Variants in PRDM5 observed in about 807,000 individuals in gnomAD.
PRDM5 encodes PR/SET domain 5, also known as PR domain zinc finger protein 5.
PRDM5 carries 56 observed loss-of-function variants against 81.2 expected under a neutral mutation model. The ratio of observed to expected loss-of-function variants is 0.69; its 90% CI spans 0.56 to 0.86. The LOEUF (loss-of-function observed/expected upper bound fraction) is 0.86, where lower values mean the gene tolerates loss of function less well. Ranked by LOEUF, PRDM5 falls within the 40% of genes least tolerant of loss-of-function variation. The pLI is 0.00. For missense variants in PRDM5, 697 were observed against 770.1 expected (o/e 0.91, Z 1.12); for synonymous variants, 267 against 256.4 (o/e 1.04, Z -0.39).
At chr4:120,813,584 G>A (rs1404219312) in intron 7 of PRDM5, among the ~76,000 whole-genome samples, 2 of 152,064 alleles carry the variant, frequency 1.3e-5, no homozygotes, top group African/African-American at 4.8e-5. Flanking sequence ...TTTTTAGCAG[G>A]CTAAATATGA....
chr4:120,820,723 G>A (rs171068), intron 4 of PRDM5, among the ~76,000 whole-genome samples: 8,094 of 152,266 alleles, frequency 0.053, 345 homozygotes, highest in Middle Eastern at 0.15. Context: ...AATCCCCTTC[G>A]GATCCAGCAG....
intron 2 of PRDM5, among the ~76,000 whole-genome samples, chr4:120,856,586 C>T (rs371869877): frequency 3.5e-5 from 5 of 140,922 alleles, no homozygotes; most frequent in African/African-American, 5.5e-5. Flanking sequence ...ACACAGAGTT[C>T]GCCTTGCTGA....
rs190319334 is a variant in PRDM5, at chr4:120,741,747, A to G, written c.1623+12806T>C. The stretch of plus-strand genomic sequence containing the variant: ...GCTTAAAAAAACGGCACACCACGAG[A>G]TTATATCATGCACCTGGCTCAGAGG... On this transcript the variant is annotated intron_variant, in intron 14 of 15. Coordinates refer to ENST00000264808, the MANE Select transcript of PRDM5 (RefSeq NM_018699.4). Among the ~76,000 whole-genome samples, 105 of 152,192 alleles carry G rather than the reference A, an allele frequency of 6.9e-4. No individual in the cohort carries two copies. In the East Asian group the frequency reaches 0.019, roughly 28 times the overall value.
At chr4:120,848,668 A>G (rs1758920988) in intron 3 of PRDM5, among the ~76,000 whole-genome samples, 1 of 152,162 alleles carries the variant, frequency 6.6e-6, no homozygotes, top group Admixed American at 6.6e-5. Flanking sequence ...TTTCAACTTT[A>G]CCACTATAAA....
intron 3 of PRDM5, among the ~76,000 whole-genome samples, chr4:120,833,946 G>A (rs1052595951): frequency 6.6e-6 from 1 of 152,128 alleles, no homozygotes; most frequent in Non-Finnish European, 1.5e-5. Context: ...TATTAGTAGG[G>A]AATGGGCTCA....
At chr4:120,873,265 A>G (rs567661803) in intron 2 of PRDM5, among the ~76,000 whole-genome samples, 7 of 152,218 alleles carry the variant, frequency 4.6e-5, no homozygotes, top group African/African-American at 1.7e-4. Flanking sequence ...CGGCCTCCCA[A>G]AGTGCTAGCA....
chr4:120,853,465 C>A lies in PRDM5; in HGVS notation c.253G>T (p.Val85Phe). Residue 85 changes from valine (V) to phenylalanine (F), a missense_variant, in exon 3 of 16, where the codon GTT (valine) becomes TTT (phenylalanine). Coordinates refer to ENST00000264808, the MANE Select transcript of PRDM5 (RefSeq NM_018699.4). ...NPRHSNWLRFVHEAPSQEQKN... is the reference protein window; with the variant it reads ...NPRHSNWLRFFHEAPSQEQKN... ...TGCTCCTGAGATGGTGCCTCATGAACGAAGCGAAGCCAGTTGGAGTGCCGT... is the reference window on the plus strand; with the variant it reads ...TGCTCCTGAGATGGTGCCTCATGAAAGAAGCGAAGCCAGTTGGAGTGCCGT... 1.2e-6 allele frequency: 2 copies of A among 1,613,768 alleles called. No homozygotes were observed. Among genetic ancestry groups the A allele is most frequent in the Non-Finnish European group, 1.7e-6 (2 of 1,179,760 alleles).
At chr4:120,737,634 T>C (rs968955329) in intron 14 of PRDM5, among the ~76,000 whole-genome samples, 2 of 152,204 alleles carry the variant, frequency 1.3e-5, no homozygotes, top group South Asian at 2.1e-4. Context: ...AAACATCTGA[T>C]GAATGCACGC....
intron 12 of PRDM5, among the ~76,000 whole-genome samples, chr4:120,779,058 C>T (rs1057374686): frequency 2.0e-5 from 3 of 152,016 alleles, no homozygotes; most frequent in Admixed American, 6.6e-5. Context: ...AAAATCACAG[C>T]ATTTCTTTTG....
intron 2 of PRDM5, among the ~76,000 whole-genome samples, chr4:120,887,179 C>T (rs934649392): frequency 6.6e-6 from 1 of 152,066 alleles, no homozygotes; most frequent in African/African-American, 2.4e-5. Flanking sequence ...TTCCTGAACT[C>T]GTGATCCACC....
At chr4:120,689,454 G>A (rs1733957833), downstream of PRDM5, among the ~76,000 whole-genome samples, 1 of 152,002 alleles carries the variant, frequency 6.6e-6, no homozygotes, top group African/African-American at 2.4e-5. Flanking sequence ...TTGTCAGGTG[G>A]AAGATGAGCA....
intron 11 of PRDM5, among the ~76,000 whole-genome samples, chr4:120,784,608 A>C (rs1170570028): frequency 6.6e-6 from 1 of 152,142 alleles, no homozygotes; most frequent in Non-Finnish European, 1.5e-5. Context: ...TTGTGAGCTC[A>C]TAAAACGATG....
chr4:120,730,501 T>TA (rs1172799690), intron 14 of PRDM5, among the ~76,000 whole-genome samples: 2 of 152,186 alleles, frequency 1.3e-5, no homozygotes, highest in Non-Finnish European at 2.9e-5. Context: ...TATCCCAAGA[T>TA]ACCTGTGATA....
chr4:120,744,116 A>T (rs1195474358), intron 14 of PRDM5, among the ~76,000 whole-genome samples: 1 of 152,206 alleles, frequency 6.6e-6, no homozygotes, highest in Non-Finnish European at 1.5e-5. Flanking sequence ...AGAACGCAGG[A>T]TTAAGAATCT....
intron 14 of PRDM5, among the ~76,000 whole-genome samples, chr4:120,719,895 C>A (rs571322557): frequency 1.3e-5 from 2 of 152,108 alleles, no homozygotes; most frequent in Admixed American, 1.3e-4. Flanking sequence ...GGGGTTTTGT[C>A]TTTCTCTATC....
chr4:120,910,903 C>A (rs1766427634), intron 1 of PRDM5, among the ~76,000 whole-genome samples: 1 of 152,168 alleles, frequency 6.6e-6, no homozygotes, highest in South Asian at 2.1e-4. Context: ...TTGTAATAAA[C>A]CTGCTGAAGA....
intron 2 of PRDM5, chr4:120,895,647 C>A (rs2148641248): frequency 6.6e-6 from 1 of 152,350 alleles, no homozygotes; most frequent in East Asian, 1.9e-4. Context: ...ACTTCTTTAT[C>A]TATCATATAA....
chr4:120,755,090 G>A lies in PRDM5; in HGVS notation c.1538-452C>T, dbSNP rs144334195. On this transcript the variant is annotated intron_variant, in intron 13 of 15. Transcript: ENST00000264808. Reference sequence around the variant, plus strand: ...ATATAAATGAATTTGACTCAGTTAAGGCTGTGAGTTTCAAAAGAATTTCAT... The same window carrying A: ...ATATAAATGAATTTGACTCAGTTAAAGCTGTGAGTTTCAAAAGAATTTCAT... Among the ~76,000 whole-genome samples the A allele has an allele frequency of 2.7e-3, 412 of 152,178 alleles. 1 individual carries two copies. The highest frequency in any genetic ancestry group is 9.2e-3 in the African/African-American group (382 of 41,512).
Position 120,912,216 on chromosome 4 carries a change from A to C in PRDM5, c.94-4659T>G, listed in dbSNP as rs555615451. 3.9e-5 allele frequency among the ~76,000 whole-genome samples: 6 copies of C among 152,344 alleles called. No individual in the cohort carries two copies. In the South Asian group the frequency reaches 1.2e-3, roughly 32 times the overall value. Reference sequence around the variant, plus strand: ...TACTTGCTAAGAACAAAGGGGAAACAGGACATTTACAACAGAAAAATTACC... The same window carrying C: ...TACTTGCTAAGAACAAAGGGGAAACCGGACATTTACAACAGAAAAATTACC... On this transcript the variant is annotated intron_variant, in intron 1 of 15. Coordinates refer to ENST00000264808, the MANE Select transcript of PRDM5 (RefSeq NM_018699.4).
Sources: gnomAD v4.1 joint callset for allele counts (sites outside exome capture counted in the v4.1 genomes callset) on GRCh38, gnomAD v4.1.1 for gene constraint, MANE v1.5 for transcripts, NCBI Gene and HGNC (gene_info 2026-07-23, HGNC 2026-07-21) for gene names.